The following YWHAQ variants were observed in gnomAD, a reference collection of about 807,000 sequenced individuals.
YWHAQ encodes tyrosine 3-monooxygenase/tryptophan 5-monooxygenase activation protein theta.
Under a neutral mutation model 28.3 loss-of-function variants are expected in YWHAQ, and 6 were observed. The ratio of observed to expected loss-of-function variants is 0.21; its 90% CI spans 0.12 to 0.42. The LOEUF (loss-of-function observed/expected upper bound fraction) is 0.42. Ranked by LOEUF, YWHAQ falls within the 10% of genes least tolerant of loss-of-function variation. The probability of loss-of-function intolerance (pLI) is 1.00; values close to 1 mark genes in which losing one functional copy is unlikely to be tolerated. For synonymous variants in YWHAQ, 143 were observed against 119.1 expected, an observed-to-expected ratio of 1.20 and a Z score of -1.31; for missense variants, 201 against 305.6, an observed-to-expected ratio of 0.66 and a Z score of 2.55.
chr2:9,589,088 C>T (rs1223241588), intron 3 of YWHAQ, among the ~76,000 whole-genome samples: 4 of 152,074 alleles, frequency 2.6e-5, no homozygotes, highest in Non-Finnish European at 4.4e-5. Flanking sequence ...TGCTGCTGCA[C>T]TCCCAACCTC....
chr2:9,618,118 G>C (rs567959298), intron 2 of YWHAQ, among the ~76,000 whole-genome samples: 204 of 152,268 alleles, frequency 1.3e-3, no homozygotes, highest in East Asian at 4.1e-3. Context: ...AGGGAAGATA[G>C]TGAATGACTA....
At chr2:9,616,750 C>G (rs1431326642) in intron 2 of YWHAQ, among the ~76,000 whole-genome samples, 1 of 152,162 alleles carries the variant, frequency 6.6e-6, no homozygotes, top group East Asian at 1.9e-4. Context: ...CTGGAACTCT[C>G]TTACACTGTG....
At chr2:9,617,497 A>G (rs1667060888) in intron 2 of YWHAQ, among the ~76,000 whole-genome samples, 1 of 152,184 alleles carries the variant, frequency 6.6e-6, no homozygotes, top group Non-Finnish European at 1.5e-5. Context: ...ATAGAGTTTC[A>G]GTTTTGCAAG....
At chr2:9,609,726 CAAGT>C (rs1666907355) in intron 2 of YWHAQ, among the ~76,000 whole-genome samples, 2 of 152,178 alleles carry the variant, frequency 1.3e-5, no homozygotes, top group African/African-American at 4.8e-5. Context: ...AGAAAACAAT[CAAGT>C]AAGTATCTTC....
At chr2:9,610,771 G>A (rs909999319) in intron 2 of YWHAQ, among the ~76,000 whole-genome samples, 1 of 152,158 alleles carries the variant, frequency 6.6e-6, no homozygotes, top group Non-Finnish European at 1.5e-5. Flanking sequence ...GCCTCGGAAA[G>A]TGCTGGGGTT....
intron 2 of YWHAQ, among the ~76,000 whole-genome samples, chr2:9,612,842 G>A (rs970508171): frequency 4.6e-5 from 7 of 152,198 alleles, no homozygotes; most frequent in African/African-American, 1.7e-4. Context: ...AGCACTATTA[G>A]AGTGACTGGT....
At chr2:9,597,983 C>CTTTTTTTTTTTTT (rs1558543507) in intron 2 of YWHAQ, among the ~76,000 whole-genome samples, 1 of 79,092 alleles carries the variant, frequency 1.3e-5, no homozygotes, top group African/African-American at 8.3e-5. Flanking sequence ...CCATGCCGGG[C>CTTTTTTTTTTTTT]TATTTTTTTT....
chr2:9,629,737 A>G (rs1667320409), intron 2 of YWHAQ, among the ~76,000 whole-genome samples: 1 of 152,220 alleles, frequency 6.6e-6, no homozygotes, highest in Non-Finnish European at 1.5e-5. Context: ...GGGTTTGGGA[A>G]AAAATCCCTA....
chr2:9,629,303 T>A (rs958899573), intron 2 of YWHAQ, among the ~76,000 whole-genome samples: 1 of 152,196 alleles, frequency 6.6e-6, no homozygotes, highest in Non-Finnish European at 1.5e-5. Flanking sequence ...CACTCCTGGA[T>A]ATAATGCTGG....
chr2:9,592,898 A>C (rs538370499), intron 2 of YWHAQ, among the ~76,000 whole-genome samples: 25 of 152,322 alleles, frequency 1.6e-4, no homozygotes, highest in Admixed American at 1.0e-3. Context: ...TACTCAGTAA[A>C]TGTTAGCTAG....
intron 2 of YWHAQ, among the ~76,000 whole-genome samples, chr2:9,604,932 T>C (rs558974671): frequency 2.6e-5 from 4 of 152,310 alleles, no homozygotes; most frequent in Non-Finnish European, 4.4e-5. Context: ...TATCACATAG[T>C]AGGACTCATT....
intron 2 of YWHAQ, among the ~76,000 whole-genome samples, chr2:9,617,886 C>T (rs1355312777): frequency 6.6e-6 from 1 of 150,954 alleles, no homozygotes; most frequent in Non-Finnish European, 1.5e-5. Flanking sequence ...ATGACCGTGC[C>T]ATTGTACTCC....
rs1348337204 is a variant in YWHAQ, at chr2:9,585,350, A to G, written c.679-5T>C. 1.9e-6 allele frequency: 3 copies of G among 1,613,996 alleles called. No individual in the cohort carries two copies. The highest frequency in any genetic ancestry group is 1.3e-5 in the African/African-American group (1 of 74,930). On this transcript the variant is annotated splice_region_variant and splice_polypyrimidine_tract_variant and intron_variant, in intron 5 of 5. Transcript: ENST00000238081. ...TGCACTGTCTGATGTCCAAAGCTAG[A>G]AAAAGAAGAATCATATTAAGTTACT...
rs1667337991 is a variant in YWHAQ at position 9,630,333 on chromosome 2, C to T, written c.120G>A (p.Glu40=). The T allele has an allele frequency of 1.2e-6, 2 of 1,614,064 alleles. No individual in the cohort carries two copies. Among genetic ancestry groups the T allele is most frequent in the African/African-American group, 1.3e-5 (1 of 74,956 alleles). ...TGTAGGCCACGGAGAGCAGGTTGCG[C>T]TCCTCGTTGGACAGCTCGGCGCCCT... ...TEQGAELSNE[E]RNLLSVAYKN... Residue 40 remains glutamate (E), a synonymous_variant, in exon 2 of 6, where the codon GAG becomes GAA. Coordinates refer to ENST00000238081, the MANE Select transcript of YWHAQ (RefSeq NM_006826.4). This position sits in a 1 kb window ranked among gnomAD's most constrained non-coding sequence, Gnocchi z 5.6.
intron 2 of YWHAQ, among the ~76,000 whole-genome samples, chr2:9,629,844 G>T (rs1307010850): frequency 6.6e-6 from 1 of 152,138 alleles, no homozygotes; most frequent in African/African-American, 2.4e-5. Flanking sequence ...CAGATCTCAG[G>T]ACGCAGTCTC....
chr2:9,617,186 T>A (rs1297217244), intron 2 of YWHAQ, among the ~76,000 whole-genome samples: 1 of 151,378 alleles, frequency 6.6e-6, no homozygotes, highest in African/African-American at 2.4e-5. Flanking sequence ...ATGGTCTCCA[T>A]CTCCTGACCT....
chr2:9,621,259 T>G (rs980889797), intron 2 of YWHAQ, among the ~76,000 whole-genome samples: 1 of 152,304 alleles, frequency 6.6e-6, no homozygotes, highest in African/African-American at 2.4e-5. Context: ...ATCTGGTAAC[T>G]CCATCAATCT....
chr2:9,610,799 C>T (rs528081754), intron 2 of YWHAQ, among the ~76,000 whole-genome samples: 5 of 152,294 alleles, frequency 3.3e-5, no homozygotes, highest in African/African-American at 1.2e-4. Flanking sequence ...TGAGCCACCG[C>T]ACCCTGCCTA....
chr2:9,595,560 C>T (rs765656362), intron 2 of YWHAQ, among the ~76,000 whole-genome samples: 8 of 151,890 alleles, frequency 5.3e-5, no homozygotes, highest in East Asian at 1.9e-4. Flanking sequence ...CAAAATTAGC[C>T]GGGTATGGTG....
Sources: allele counts gnomAD v4.1 joint callset (sites outside exome capture counted in the v4.1 genomes callset), GRCh38; gene constraint gnomAD v4.1.1; non-coding constraint Gnocchi (gnomAD v3.1); transcripts MANE v1.5; gene names NCBI Gene and HGNC (gene_info 2026-07-23, HGNC 2026-07-21).